The following CCP110 variants were observed in gnomAD, a reference collection of about 807,000 sequenced individuals.
CCP110 encodes centriolar coiled-coil protein 110.
A neutral mutation model predicts 105.5 loss-of-function variants in CCP110; 43 were observed. The ratio of observed to expected loss-of-function variants is 0.41; its 90% CI spans 0.32 to 0.53. CCP110 has a LOEUF of 0.53. CCP110 is among the 20% of genes least tolerant of loss of function. The pLI is 0.32. For missense variants in CCP110, 1,016 were observed against 1,189.1 expected (o/e 0.85, Z 2.14); for synonymous variants, 353 against 392.1 (o/e 0.90, Z 1.18).
At chr16:19,544,608 A>G (rs1400083455) in intron 8 of CCP110, among the ~76,000 whole-genome samples, 189 bp from the exon 9 acceptor site, 1 of 152,202 alleles carries the variant, frequency 6.6e-6, no homozygotes, top group Non-Finnish European at 1.5e-5. Flanking sequence ...TTATATGCAG[A>G]TAACTATTTT....
At chr16:19,524,496 G>T (rs1456006022) in intron 1 of CCP110, among the ~76,000 whole-genome samples, 2 of 152,176 alleles carry the variant, frequency 1.3e-5, no homozygotes, top group Admixed American at 6.5e-5. Flanking sequence ...CTTCCCCGGG[G>T]TGTGCATTGG....
chr16:19,549,583 TGGAATTGTCTTAAA>T (rs1377172503), intron 14 of CCP110, among the ~76,000 whole-genome samples: 3 of 152,220 alleles, frequency 2.0e-5, no homozygotes, highest in African/African-American at 7.2e-5. Flanking sequence ...TGACAGTTAA[TGGAATTGTCTTAAA>T]GGATTACATA....
rs372221090 is a variant in CCP110, at chr16:19,546,995, G to A, written c.2840+521G>A. 1.0e-3 allele frequency: 157 copies of A among 153,350 alleles called. 3 individuals are homozygous for A. The South Asian group carries it at 0.031, about 30-fold the overall frequency. 9.5% of individuals were successfully genotyped at this position (153,350 alleles called of 1,614,324 possible). A position where few individuals can be genotyped will look rare whatever the true frequency, so the allele number is the denominator to read the frequency against. On this transcript the variant is annotated intron_variant, in intron 12 of 14. Transcript: ENST00000381396. The stretch of plus-strand genomic sequence containing the variant: ...TACCTAGTCACATGTCAGACCAGAT[G>A]TGCCCGGACCTTTTGTAGGACATGC...
At chr16:19,527,739 A>G (rs1474750553) in intron 1 of CCP110, 128 bp from the exon 2 acceptor site, 1 of 577,108 alleles carries the variant, frequency 1.7e-6, no homozygotes, top group Non-Finnish European at 2.8e-6. Flanking sequence ...GATCAGTAAG[A>G]CAATTCTGGG....
At chr16:19,537,548 T>G in exon 4 of CCP110, 1 of 1,585,524 alleles carries the variant, frequency 6.3e-7, no homozygotes, top group South Asian at 1.2e-5. Context: ...GGGATCTGGC[T>G]TCGTTAACAA....
chr16:19,546,552 C>CA (rs1272285440), intron 12 of CCP110, 78 bp downstream of exon 12: 2 of 807,404 alleles, frequency 2.5e-6, no homozygotes, highest in East Asian at 5.1e-5. Flanking sequence ...CACGGTGGCT[C>CA]ACGCCTGTAA....
exon 4 of CCP110, chr16:19,537,127 C>G: frequency 6.2e-7 from 1 of 1,614,108 alleles, no homozygotes; most frequent in Non-Finnish European, 8.5e-7. Context: ...AGTTAACATC[C>G]GATGAGAGAG....
intron 14 of CCP110, 77 bp from the exon 14 acceptor site, chr16:19,551,119 G>A (rs1970624079): frequency 3.5e-6 from 3 of 847,336 alleles, no homozygotes. Flanking sequence ...GTTTGTTCCA[G>A]AGTAAAAACT....
chr16:19,541,170 T>G (rs1172314634), intron 5 of CCP110, among the ~76,000 whole-genome samples: 2 of 151,996 alleles, frequency 1.3e-5, no homozygotes, highest in Non-Finnish European at 2.9e-5. Context: ...GAGGATTGCT[T>G]GAGCCCAGAA....
intron 14 of CCP110, among the ~76,000 whole-genome samples, chr16:19,549,649 A>G (rs1416364115): frequency 2.0e-5 from 3 of 152,250 alleles, no homozygotes; most frequent in Non-Finnish European, 1.5e-5. Context: ...AGAATAAGCT[A>G]GTTTGAAAGA....
intron 3 of CCP110, 152 bp downstream of exon 3, chr16:19,532,696 G>T (rs985953230): frequency 1.6e-6 from 1 of 611,562 alleles, no homozygotes; most frequent in Non-Finnish European, 2.7e-6. Context: ...TTCCATTTCA[G>T]TTACTCCAAA....
At chr16:19,527,514 TAAAG>T (rs1969714643) in intron 1 of CCP110, among the ~76,000 whole-genome samples, 1 of 152,142 alleles carries the variant, frequency 6.6e-6, no homozygotes, top group South Asian at 2.1e-4. Context: ...TAAGTCCTGT[TAAAG>T]AAAATATAAT....
intron 11 of CCP110, 93 bp downstream of exon 11, chr16:19,545,983 A>G: frequency 1.3e-6 from 1 of 752,820 alleles, no homozygotes; most frequent in Non-Finnish European, 2.2e-6. Flanking sequence ...AGAAATAAAG[A>G]GTTAATTTTT....
At chr16:19,528,776 G>A (rs781432270) in intron 2 of CCP110, among the ~76,000 whole-genome samples, 3 of 152,192 alleles carry the variant, frequency 2.0e-5, no homozygotes, top group Non-Finnish European at 2.9e-5. Context: ...ACATGTGCCT[G>A]TAGTCCCAGC....
intron 4 of CCP110, among the ~76,000 whole-genome samples, chr16:19,539,866 C>T (rs1225990628): frequency 4.0e-5 from 6 of 150,674 alleles, no homozygotes; most frequent in Admixed American, 2.0e-4. Flanking sequence ...ATGGTGCGAT[C>T]TCAGCTCACT....
intron 10 of CCP110, 132 bp from the exon 11 acceptor site, chr16:19,545,685 C>A: frequency 1.6e-6 from 1 of 612,570 alleles, no homozygotes; most frequent in Non-Finnish European, 2.9e-6. Context: ...AAATACAAAA[C>A]AAGATGATTT....
intron 14 of CCP110, 26 bp from the exon 14 acceptor site, chr16:19,551,170 T>C: frequency 1.4e-6 from 2 of 1,469,932 alleles, no homozygotes; most frequent in Non-Finnish European, 9.5e-7. Context: ...CATTGAGAAG[T>C]AATACTGGTT....
At chr16:19,540,673 A>T in exon 5 of CCP110, 1 of 1,612,338 alleles carries the variant, frequency 6.2e-7, no homozygotes, top group African/African-American at 1.3e-5. Flanking sequence ...AGGAGTTACT[A>T]AAAAGCAAGA....
intron 8 of CCP110, among the ~76,000 whole-genome samples, chr16:19,543,200 T>C (rs973726364): frequency 2.0e-5 from 3 of 152,340 alleles, no homozygotes; most frequent in Non-Finnish European, 4.4e-5. Context: ...GAATATAAAT[T>C]GTGAAGATTT....
Sources: gnomAD v4.1 joint callset for allele counts (sites outside exome capture counted in the v4.1 genomes callset) on GRCh38, gnomAD v4.1.1 for gene constraint, MANE v1.5 for transcripts, NCBI Gene and HGNC (gene_info 2026-07-23, HGNC 2026-07-21) for gene names.